Variants in DDHD1 observed in about 807,000 individuals in gnomAD.
The protein encoded by DDHD1 is phospholipase DDHD1.
DDHD1 carries 49 observed loss-of-function variants against 96.4 expected under a neutral mutation model. That is an observed-to-expected ratio of 0.51 (90% CI 0.40 to 0.64). The LOEUF (loss-of-function observed/expected upper bound fraction) is 0.64. Among genes scored for constraint, DDHD1 ranks in the 30% least tolerant of loss-of-function variants. DDHD1 has a pLI of 0.00. For synonymous variants in DDHD1, 442 were observed against 446.5 expected (o/e 0.99, Z 0.13); for missense variants, 1,106 against 1,161.2 (o/e 0.95, Z 0.69).
At chr14:53,126,350 A>C (rs1889436911) in intron 1 of DDHD1, among the ~76,000 whole-genome samples, 1 of 152,214 alleles carries the variant, frequency 6.6e-6, no homozygotes, top group South Asian at 2.1e-4. Flanking sequence ...ATCTAAATGT[A>C]GTGTCTGCAT....
At chr14:53,096,175 T>C in intron 2 of DDHD1, 1 of 985,234 alleles carries the variant, frequency 1.0e-6, no homozygotes, top group Non-Finnish European at 1.2e-6. Context: ...ATCTTCTCCA[T>C]TTGAACAGAG....
intron 1 of DDHD1, among the ~76,000 whole-genome samples, chr14:53,144,933 C>T (rs1019201473): frequency 2.2e-4 from 33 of 151,460 alleles, no homozygotes; most frequent in Non-Finnish European, 3.4e-4. Context: ...GTAAATCACC[C>T]GAGGTCAGGA....
chr14:53,061,092 A>G, intron 8 of DDHD1, 34 bp downstream of exon 8: 2 of 1,575,304 alleles, frequency 1.3e-6, no homozygotes, highest in South Asian at 1.2e-5. Context: ...AAATACTGAG[A>G]TCAATGTTGA....
intron 4 of DDHD1, among the ~76,000 whole-genome samples, chr14:53,080,378 C>G (rs1427671683): frequency 6.6e-6 from 1 of 152,020 alleles, no homozygotes; most frequent in East Asian, 1.9e-4. Context: ...AAAAAAAAGA[C>G]TTTTCACATG....
chr14:53,103,444 T>C, intron 2 of DDHD1: 1 of 412,510 alleles, frequency 2.4e-6, no homozygotes, highest in Non-Finnish European at 4.2e-6. Context: ...AATCTGTACA[T>C]TTATAGTAAA....
intron 1 of DDHD1, among the ~76,000 whole-genome samples, chr14:53,141,494 G>A (rs1421189613): frequency 1.3e-5 from 2 of 152,194 alleles, no homozygotes; most frequent in Non-Finnish European, 2.9e-5. Flanking sequence ...CAAATCTCCA[G>A]GGATAAGATC....
rs866683987 is a variant in DDHD1 at position 53,040,184 on chromosome 14, C to A, written c.*6584G>T. ...TGGAGTTAGCCTGAAGACCTCAGAG[C>A]TATGGTCACTGACTGAACCCTGGAC... On this transcript the variant is annotated 3_prime_UTR_variant, in exon 13 of 13. Transcript: ENST00000673822. 6.6e-6 allele frequency: 1 copy of A among 152,190 alleles called. No homozygotes were observed. The highest frequency in any genetic ancestry group is 1.5e-5 in the Non-Finnish European group (1 of 68,040). The allele number at this position is 152,190 out of a possible 1,614,324, so 9.4% of individuals were successfully genotyped here.
intron 1 of DDHD1, among the ~76,000 whole-genome samples, chr14:53,111,987 G>A (rs549920541): frequency 1.3e-5 from 2 of 152,246 alleles, no homozygotes; most frequent in East Asian, 3.9e-4. Context: ...ATTATGAAAG[G>A]GAGCTTTGTC....
At chr14:53,049,601 T>C (rs1882350805) in intron 12 of DDHD1, among the ~76,000 whole-genome samples, 4 of 143,028 alleles carry the variant, frequency 2.8e-5, no homozygotes, top group African/African-American at 1.1e-4. Flanking sequence ...ATCTCAAGAA[T>C]GGGTGTTGTC....
chr14:53,133,501 G>A (rs1198850419), intron 1 of DDHD1, among the ~76,000 whole-genome samples: 4 of 152,024 alleles, frequency 2.6e-5, no homozygotes, highest in Admixed American at 6.5e-5. Context: ...GCTCCTTATC[G>A]CCCTCAATCC....
chr14:53,109,395 T>A (rs1217912705), intron 1 of DDHD1, among the ~76,000 whole-genome samples: 2 of 151,322 alleles, frequency 1.3e-5, no homozygotes, highest in Non-Finnish European at 3.0e-5. Context: ...TAACCTCTGT[T>A]CCCTTCTCCT....
chr14:53,070,230 G>T lies in DDHD1; in HGVS notation c.1503+2367C>A, dbSNP rs529648363. Reference sequence around the variant, plus strand: ...TGCTATAAAACTCCAGAAGGAAATCGTAAACATACCAAAAATTTGCAAGTA... The same window carrying T: ...TGCTATAAAACTCCAGAAGGAAATCTTAAACATACCAAAAATTTGCAAGTA... On this transcript the variant is annotated intron_variant, in intron 6 of 12. Transcript: ENST00000673822. 1.8e-4 allele frequency among the ~76,000 whole-genome samples: 28 copies of T among 152,182 alleles called. 2 individuals carry two copies. In the South Asian group the frequency reaches 5.6e-3, roughly 30 times the overall value.
intron 1 of DDHD1, among the ~76,000 whole-genome samples, chr14:53,119,802 C>T (rs761664009): frequency 7.2e-5 from 11 of 152,112 alleles, no homozygotes; most frequent in Non-Finnish European, 1.5e-4. Context: ...TAGAATATAA[C>T]TCAAAATAAT....
intron 1 of DDHD1, among the ~76,000 whole-genome samples, chr14:53,124,381 AACTGT>A (rs1889274919): frequency 6.6e-6 from 1 of 152,132 alleles, no homozygotes; most frequent in Non-Finnish European, 1.5e-5. Flanking sequence ...ACTAGCTAGA[AACTGT>A]AATCTAAAAG....
rs1213613899 is a variant in DDHD1, at chr14:53,107,276, C to T, written c.839-3420G>A. Among the ~76,000 whole-genome samples the T allele has an allele frequency of 7.2e-5, 11 of 152,288 alleles. No homozygotes were observed. In the East Asian group the frequency reaches 7.7e-4, roughly 11 times the overall value. On this transcript the variant is annotated intron_variant, in intron 1 of 12. Transcript: ENST00000673822. The stretch of plus-strand genomic sequence containing the variant: ...CAATGTGCTAGCATCACCACTCTTG[C>T]GCTTTGGAGCCATTATTAAATAAAA...
chr14:53,152,638 C>G lies in DDHD1; in HGVS notation c.461G>C (p.Arg154Pro). ...CTCCGTCACTACCTCATAGCGGTGC[C>G]GGGCCGCCGGGCCGCCAAGCCGGGT... is the stretch of plus-strand genomic sequence containing the variant. ...KRTRLGGPAA[R>P]HRYEVVTELG... Residue 154 changes from arginine (R) to proline (P), a missense_variant, in exon 1 of 13, where the codon CGG (arginine) becomes CCG (proline). This residue lies in a region of DDHD1 where 456 missense variants were observed against 402.4 expected (regional missense o/e 1.13). Coordinates refer to ENST00000673822, the MANE Select transcript of DDHD1 (RefSeq NM_001160148.2). 6.2e-7 allele frequency: 1 copy of G among 1,612,776 alleles called. No homozygotes were observed. Among genetic ancestry groups the G allele is most frequent in the East Asian group, 2.2e-5 (1 of 44,848 alleles).
At chr14:53,084,006 T>C (rs1885717967) in intron 4 of DDHD1, among the ~76,000 whole-genome samples, 1 of 152,186 alleles carries the variant, frequency 6.6e-6, no homozygotes, top group East Asian at 1.9e-4. Context: ...ATAGTTAAGA[T>C]GAAGTCAACT....
chr14:53,079,610 G>A (rs751548840), intron 4 of DDHD1, among the ~76,000 whole-genome samples: 1 of 152,118 alleles, frequency 6.6e-6, no homozygotes, highest in Admixed American at 6.5e-5. Flanking sequence ...TGGTAGTAAT[G>A]TCTCCTCCTT....
chr14:53,079,938 T>C (rs577240220), intron 4 of DDHD1, among the ~76,000 whole-genome samples: 2 of 152,348 alleles, frequency 1.3e-5, no homozygotes, highest in South Asian at 4.1e-4. Flanking sequence ...GCAATTTTGA[T>C]AGATACTGCC....
Sources: gnomAD v4.1 joint callset for allele counts (sites outside exome capture counted in the v4.1 genomes callset) on GRCh38, gnomAD v4.1.1 for gene constraint, gnomAD v4.1.1 regional missense constraint, MANE v1.5 for transcripts, NCBI Gene and HGNC (gene_info 2026-07-23, HGNC 2026-07-21) for gene names.